Variants in NDUFAF2 observed in about 807,000 individuals in gnomAD.
NDUFAF2 encodes NADH:ubiquinone oxidoreductase complex assembly factor 2, also known as NADH dehydrogenase [ubiquinone] 1 alpha subcomplex assembly factor 2.
NDUFAF2 carries 13 observed loss-of-function variants against 22.8 expected under a neutral mutation model. The ratio of observed to expected loss-of-function variants is 0.57; its 90% confidence interval spans 0.37 to 0.91. The LOEUF (loss-of-function observed/expected upper bound fraction) is 0.91. NDUFAF2 is among the 40% of genes least tolerant of loss of function. NDUFAF2 has a pLI of 0.01. For synonymous variants in NDUFAF2, 53 were observed against 64.2 expected (o/e 0.83, Z 0.84); for missense variants, 162 against 195.2 (o/e 0.83, Z 1.01).
At chr5:60,957,498 ACT>A (rs1491446317) in intron 1 of NDUFAF2, among the ~76,000 whole-genome samples, 1 of 67,112 alleles carries the variant, frequency 1.5e-5, no homozygotes, top group Non-Finnish European at 3.0e-5. Context: ...TGATCTGTTT[ACT>A]TTTTTTTTTT....
chr5:61,093,160 T>C lies in NDUFAF2; in HGVS notation c.218-5832T>C, dbSNP rs1752592066. Reference sequence around the variant, plus strand: ...CAAGTCTGCTCATTCCGCTTTCTTCTGCCTGCTTTATTCTAGCCATGCTGG... The same window carrying C: ...CAAGTCTGCTCATTCCGCTTTCTTCCGCCTGCTTTATTCTAGCCATGCTGG... On this transcript the variant is annotated intron_variant, in intron 2 of 3. Coordinates refer to ENST00000296597, the MANE Select transcript of NDUFAF2 (RefSeq NM_174889.5). Among the ~76,000 whole-genome samples the C allele has an allele frequency of 2.0e-5, 3 of 152,236 alleles. No homozygotes were observed. The South Asian group carries it at 6.2e-4, about 32-fold the overall frequency.
chr5:61,024,174 A>G (rs1751622042), intron 1 of NDUFAF2, among the ~76,000 whole-genome samples: 1 of 152,082 alleles, frequency 6.6e-6, no homozygotes, highest in African/African-American at 2.4e-5. Context: ...CATTGATGTA[A>G]TTTGATTGAC....
In NDUFAF2 at chr5:61,090,852, C is replaced by G. The variant is rs115712641; in HGVS notation, c.218-8140C>G. 7.9e-3 allele frequency among the ~76,000 whole-genome samples: 1,196 copies of G among 152,166 alleles called. 15 individuals carry two copies. Among genetic ancestry groups the G allele is most frequent in the African/African-American group, 0.027 (1,120 of 41,518 alleles). ...TCTCCCTCCTCCCATCCTCCACCCTCCAATAGGCTTCAGTGTGTGTTGTTC... is the reference window on the plus strand; with the variant it reads ...TCTCCCTCCTCCCATCCTCCACCCTGCAATAGGCTTCAGTGTGTGTTGTTC... On this transcript the variant is annotated intron_variant, in intron 2 of 3. Coordinates refer to ENST00000296597, the MANE Select transcript of NDUFAF2 (RefSeq NM_174889.5).
chr5:61,074,042 T>C (rs1233766551), intron 2 of NDUFAF2, among the ~76,000 whole-genome samples: 6 of 152,246 alleles, frequency 3.9e-5, no homozygotes, highest in Non-Finnish European at 8.8e-5. Context: ...TCTGCAAGAC[T>C]GAGTTCAAAA....
intron 1 of NDUFAF2, among the ~76,000 whole-genome samples, chr5:61,032,899 A>G (rs7701710): frequency 0.017 from 2,589 of 152,230 alleles, 79 homozygotes; most frequent in African/African-American, 0.059. Flanking sequence ...GTCTTCCACA[A>G]TGGCTGAACT....
At chr5:61,011,649 C>A (rs964781619) in intron 1 of NDUFAF2, among the ~76,000 whole-genome samples, 1 of 152,054 alleles carries the variant, frequency 6.6e-6, no homozygotes, top group Non-Finnish European at 1.5e-5. Flanking sequence ...AGCCTCCCAA[C>A]AATTATGTGA....
At chr5:61,085,419 G>A (rs1554082551) in intron 2 of NDUFAF2, among the ~76,000 whole-genome samples, 1 of 151,960 alleles carries the variant, frequency 6.6e-6, no homozygotes, top group Non-Finnish European at 1.5e-5. Flanking sequence ...ATTAAGGGGG[G>A]AAAAAAACCT....
chr5:61,000,017 A>T (rs963375712), intron 1 of NDUFAF2, among the ~76,000 whole-genome samples: 1 of 152,054 alleles, frequency 6.6e-6, no homozygotes, highest in East Asian at 1.9e-4. Context: ...ATGACTTTTG[A>T]TGGACAAAAT....
chr5:61,000,345 C>T (rs1751280542), intron 1 of NDUFAF2, among the ~76,000 whole-genome samples: 1 of 152,034 alleles, frequency 6.6e-6, no homozygotes, highest in Non-Finnish European at 1.5e-5. Flanking sequence ...GAGGTAAAAC[C>T]AGCCCCCATC....
chr5:61,047,625 C>T (rs2111693007), intron 1 of NDUFAF2, among the ~76,000 whole-genome samples: 1 of 152,140 alleles, frequency 6.6e-6, no homozygotes, highest in East Asian at 1.9e-4. Flanking sequence ...CCATTATCTT[C>T]TTTCTGATGT....
chr5:61,110,648 T>C (rs900438652), intron 3 of NDUFAF2, among the ~76,000 whole-genome samples: 1 of 152,136 alleles, frequency 6.6e-6, no homozygotes, highest in East Asian at 1.9e-4. Context: ...CTTTTGAATT[T>C]CTGTGTTATT....
At chr5:61,002,231 CTG>C (rs1283384592) in intron 1 of NDUFAF2, among the ~76,000 whole-genome samples, 2 of 152,120 alleles carry the variant, frequency 1.3e-5, no homozygotes, top group Non-Finnish European at 2.9e-5. Flanking sequence ...GTTACCTATT[CTG>C]TGAGTCCTCT....
At chr5:61,007,741 T>C (rs2112595319) in intron 1 of NDUFAF2, among the ~76,000 whole-genome samples, 1 of 152,296 alleles carries the variant, frequency 6.6e-6, no homozygotes, top group South Asian at 2.1e-4. Context: ...GAAGTCAGTG[T>C]GGCAATTCCT....
At chr5:61,132,912 T>C (rs1265420168) in intron 3 of NDUFAF2, among the ~76,000 whole-genome samples, 3 of 152,138 alleles carry the variant, frequency 2.0e-5, no homozygotes, top group Non-Finnish European at 4.4e-5. Flanking sequence ...ATATCCTAGG[T>C]TATCCTCTTA....
chr5:61,041,931 G>T (rs1198573952), intron 1 of NDUFAF2, among the ~76,000 whole-genome samples: 3 of 152,184 alleles, frequency 2.0e-5, no homozygotes, highest in Non-Finnish European at 2.9e-5. Flanking sequence ...AACCAGATGT[G>T]CTTCTTGAAG....
chr5:61,088,906 G>C (rs1228823671), intron 2 of NDUFAF2, among the ~76,000 whole-genome samples: 4 of 151,988 alleles, frequency 2.6e-5, no homozygotes, highest in African/African-American at 7.3e-5. Context: ...AATATCTTTT[G>C]GATGCAGACT....
intron 2 of NDUFAF2, among the ~76,000 whole-genome samples, chr5:61,078,323 G>C (rs1561558873): frequency 6.6e-6 from 1 of 152,146 alleles, no homozygotes; most frequent in Non-Finnish European, 1.5e-5. Flanking sequence ...ATTTCAAACT[G>C]AAAGTATGTT....
Position 60,978,115 on chromosome 5 carries a change from G to T in NDUFAF2, c.127+32733G>T, listed in dbSNP as rs1045062592. ...GAGTGCCGGGATTATCAGACATTGC[G>T]TTAGAACTCAGTGCCCTGTCACAGT... On this transcript the variant is annotated intron_variant, in intron 1 of 3. Coordinates refer to ENST00000296597, the MANE Select transcript of NDUFAF2 (RefSeq NM_174889.5). Among the ~76,000 whole-genome samples, 3 of 152,242 alleles carry T rather than the reference G, an allele frequency of 2.0e-5. No individual in the cohort carries two copies. The South Asian group carries it at 6.2e-4, about 32-fold the overall frequency.
At chr5:61,024,686 A>G (rs1002041248) in intron 1 of NDUFAF2, among the ~76,000 whole-genome samples, 6 of 152,144 alleles carry the variant, frequency 3.9e-5, no homozygotes, top group African/African-American at 1.4e-4. Context: ...CTTAATCATT[A>G]TACTGTAGCT....
Sources: gnomAD v4.1 joint callset for allele counts (sites outside exome capture counted in the v4.1 genomes callset) on GRCh38, gnomAD v4.1.1 for gene constraint, MANE v1.5 for transcripts, NCBI Gene and HGNC (gene_info 2026-07-23, HGNC 2026-07-21) for gene names.